RAD51B: variants seen among roughly 807,000 people sequenced by gnomAD.
The protein encoded by RAD51B is RAD51 paralog B.
In RAD51B, 38 loss-of-function variants were observed where a neutral mutation model predicts 42.2. That is an observed-to-expected ratio of 0.90 (90% CI 0.70 to 1.18). The LOEUF (loss-of-function observed/expected upper bound fraction) is 1.18, where lower values mean the gene tolerates loss of function less well. Among genes scored for constraint, RAD51B ranks in the 50% most tolerant of loss-of-function variants. RAD51B has a pLI of 0.00. For synonymous variants in RAD51B, 154 were observed against 145.2 expected (o/e 1.06, Z -0.43); for missense variants, 373 against 400.7 (o/e 0.93, Z 0.59).
At chr14:68,631,339 A>G (rs570761254) in intron 10 of RAD51B, among the ~76,000 whole-genome samples, 2 of 152,260 alleles carry the variant, frequency 1.3e-5, no homozygotes, top group African/African-American at 4.8e-5. Flanking sequence ...ATATTGTTTC[A>G]CTTCCTGGGA....
chr14:68,019,524 T>A (rs553989716), intron 7 of RAD51B, among the ~76,000 whole-genome samples: 1 of 152,268 alleles, frequency 6.6e-6, no homozygotes, highest in East Asian at 1.9e-4. Context: ...ATATGTAGAT[T>A]TTTTTCAAGC....
intron 8 of RAD51B, among the ~76,000 whole-genome samples, chr14:68,359,261 A>C (rs1324827394): frequency 6.6e-6 from 1 of 152,140 alleles, no homozygotes; most frequent in Non-Finnish European, 1.5e-5. Context: ...AAACTACAAA[A>C]GACATAAAGC....
intron 7 of RAD51B, among the ~76,000 whole-genome samples, chr14:67,981,227 T>G (rs2075086540): frequency 6.6e-6 from 1 of 152,108 alleles, no homozygotes; most frequent in South Asian, 2.1e-4. Context: ...ACATCAAATA[T>G]TACTTCCTTT....
chr14:68,503,589 G>A (rs1038973999), intron 10 of RAD51B, among the ~76,000 whole-genome samples: 1 of 152,190 alleles, frequency 6.6e-6, no homozygotes, highest in Non-Finnish European at 1.5e-5. Context: ...GGTGACGAGA[G>A]GCTCTCCAAG....
exon 11 of RAD51B, chr14:68,594,967 C>T (rs1595010353): frequency 9.3e-7 from 1 of 1,077,952 alleles, no homozygotes. Flanking sequence ...CACCCCGCCA[C>T]CCACTGTGGC....
intron 8 of RAD51B, among the ~76,000 whole-genome samples, chr14:68,339,715 A>C (rs1206985385): frequency 9.9e-5 from 15 of 152,196 alleles, no homozygotes; most frequent in Admixed American, 9.8e-4. Context: ...CATTGAATGT[A>C]CTGTTCTCTC....
Position 68,319,277 on chromosome 14 carries a change from T to C in RAD51B, c.853+27297T>C, listed in dbSNP as rs34954584. Among the ~76,000 whole-genome samples, 418 of 152,310 alleles carry C rather than the reference T, an allele frequency of 2.7e-3. 10 individuals are homozygous for C. The East Asian group carries it at 0.046, about 17-fold the overall frequency. On this transcript the variant is annotated intron_variant, in intron 8 of 10. Transcript: ENST00000471583. ...AATTAGAATTTTAGATAAACAACAA[T>C]TTTTGTATGAGTACATCTAAAATAT...
At chr14:68,615,567 G>A (rs987081123), downstream of RAD51B, among the ~76,000 whole-genome samples, 15 of 152,070 alleles carry the variant, frequency 9.9e-5, no homozygotes, top group Admixed American at 7.2e-4. Flanking sequence ...GGATGGTCTC[G>A]ATGTCCTGAC....
intron 4 of RAD51B, among the ~76,000 whole-genome samples, chr14:67,837,652 T>C (rs1449205888): frequency 6.6e-6 from 1 of 152,186 alleles, no homozygotes; most frequent in Non-Finnish European, 1.5e-5. Context: ...TTTTTGCTTT[T>C]ATTACAATTT....
chr14:68,016,629 T>C (rs1485279538), intron 7 of RAD51B, among the ~76,000 whole-genome samples: 1 of 152,228 alleles, frequency 6.6e-6, no homozygotes, highest in African/African-American at 2.4e-5. Flanking sequence ...TAGTCAGCTC[T>C]TGTGAAAGAG....
intron 10 of RAD51B, chr14:68,627,127 A>C (rs1892102330): frequency 1.3e-5 from 2 of 152,166 alleles, no homozygotes. Flanking sequence ...CATCCTAACT[A>C]ACCAGCCCAC....
At chr14:68,489,199 C>T (rs759051785) in intron 10 of RAD51B, among the ~76,000 whole-genome samples, 60 of 151,956 alleles carry the variant, frequency 3.9e-4, no homozygotes, top group Middle Eastern at 3.4e-3. Context: ...CAAATGAATG[C>T]TCTTGTAGTC....
At chr14:68,391,555 G>C (rs753555180) in intron 8 of RAD51B, among the ~76,000 whole-genome samples, 18 of 152,254 alleles carry the variant, frequency 1.2e-4, no homozygotes, top group Non-Finnish European at 2.2e-4. Context: ...GGCAGGCTGA[G>C]GTCCTCAGAG....
intron 8 of RAD51B, among the ~76,000 whole-genome samples, chr14:68,379,621 C>A (rs2083439398): frequency 6.6e-6 from 1 of 152,196 alleles, no homozygotes; most frequent in South Asian, 2.1e-4. Flanking sequence ...CAAATGTAAT[C>A]ACATTGGAAG....
At chr14:67,919,119 T>A (rs1361822509) in intron 7 of RAD51B, among the ~76,000 whole-genome samples, 1 of 152,174 alleles carries the variant, frequency 6.6e-6, no homozygotes, top group African/African-American at 2.4e-5. Context: ...AACTGATGCA[T>A]GTGATTATTC....
At chr14:68,522,718 A>G (rs1886666569) in intron 10 of RAD51B, among the ~76,000 whole-genome samples, 1 of 152,194 alleles carries the variant, frequency 6.6e-6, no homozygotes, top group African/African-American at 2.4e-5. Flanking sequence ...AAAACAAACC[A>G]AAGAGCCAAT....
At chr14:68,229,807 T>C (rs898516376) in intron 7 of RAD51B, among the ~76,000 whole-genome samples, 1 of 152,216 alleles carries the variant, frequency 6.6e-6, no homozygotes, top group Non-Finnish European at 1.5e-5. Context: ...TCGTCATGTC[T>C]TTTTAGTTAG....
At chr14:68,647,361 C>T (rs1424785940) in intron 10 of RAD51B, among the ~76,000 whole-genome samples, 1 of 152,150 alleles carries the variant, frequency 6.6e-6, no homozygotes, top group Non-Finnish European at 1.5e-5. Flanking sequence ...AGGAGAATGC[C>T]TCCCATTTTG....
chr14:68,121,268 C>T (rs2077646700), intron 7 of RAD51B, among the ~76,000 whole-genome samples: 1 of 152,190 alleles, frequency 6.6e-6, no homozygotes, highest in Non-Finnish European at 1.5e-5. Flanking sequence ...GACTTAGCAG[C>T]TTTATTGCAA....
Sources: gnomAD v4.1 joint callset for allele counts (sites outside exome capture counted in the v4.1 genomes callset) on GRCh38, gnomAD v4.1.1 for gene constraint, MANE v1.5 for transcripts, NCBI Gene and HGNC (gene_info 2026-07-23, HGNC 2026-07-21) for gene names.